The following RNF6 variants were observed in gnomAD, a reference collection of about 807,000 sequenced individuals.
RNF6 encodes the protein E3 ubiquitin-protein ligase RNF6.
Under a neutral mutation model 50.1 loss-of-function variants are expected in RNF6, and 21 were observed. The ratio of observed to expected loss-of-function variants is 0.42; its 90% CI spans 0.30 to 0.60. The LOEUF (loss-of-function observed/expected upper bound fraction) is 0.60. Among genes scored for constraint, RNF6 ranks in the 20% least tolerant of loss-of-function variants. RNF6 has a pLI of 0.20. For synonymous variants in RNF6, 255 were observed against 291.8 expected (o/e 0.87, Z 1.29); for missense variants, 698 against 838.2 (o/e 0.83, Z 2.07).
intron 2 of RNF6, among the ~76,000 whole-genome samples, chr13:26,220,915 CA>C (rs1448317428): frequency 6.6e-6 from 1 of 152,178 alleles, no homozygotes; most frequent in Admixed American, 6.5e-5. Flanking sequence ...AGCAACTATT[CA>C]ATTTCACCTG....
intron 5 of RNF6, among the ~76,000 whole-genome samples, chr13:26,157,598 C>T (rs960650449): frequency 6.6e-6 from 1 of 151,588 alleles, no homozygotes; most frequent in East Asian, 1.9e-4. Flanking sequence ...TTAAAAGGGG[C>T]AAAAAAAGCC....
At chr13:26,175,931 G>T (rs981049164) in intron 5 of RNF6, among the ~76,000 whole-genome samples, 1 of 152,026 alleles carries the variant, frequency 6.6e-6, no homozygotes, top group Non-Finnish European at 1.5e-5. Context: ...ACAAGCAGGG[G>T]GTGGAGGAGA....
upstream of RNF6, among the ~76,000 whole-genome samples, chr13:26,222,899 C>T (rs1016693933): frequency 1.2e-4 from 18 of 152,200 alleles, no homozygotes; most frequent in African/African-American, 3.6e-4. Flanking sequence ...AGGCATGAGG[C>T]ACCGCACCCC....
chr13:26,211,727 A>C (rs970623220), downstream of RNF6, among the ~76,000 whole-genome samples: 2 of 151,616 alleles, frequency 1.3e-5, no homozygotes, highest in South Asian at 2.1e-4. Flanking sequence ...CACTGCACTC[A>C]AGCCTGGGCA....
intron 5 of RNF6, among the ~76,000 whole-genome samples, chr13:26,142,102 G>C (rs1870986870): frequency 6.6e-6 from 1 of 151,996 alleles, no homozygotes; most frequent in South Asian, 2.1e-4. Context: ...AGAAGACAAA[G>C]AAGCAGTCAC....
intron 5 of RNF6, among the ~76,000 whole-genome samples, chr13:26,132,925 G>A (rs1039063081): frequency 1.4e-5 from 2 of 146,032 alleles, no homozygotes; most frequent in African/African-American, 4.9e-5. Flanking sequence ...GTTCTGCGGT[G>A]GGGGGTGCCA....
chr13:26,176,928 G>A (rs551067222), intron 5 of RNF6, among the ~76,000 whole-genome samples: 1 of 152,048 alleles, frequency 6.6e-6, no homozygotes, highest in African/African-American at 2.4e-5. Context: ...AGTGAGACTC[G>A]GTCTCAAAAA....
intron 5 of RNF6, among the ~76,000 whole-genome samples, chr13:26,164,759 C>T (rs1365384435): frequency 6.6e-6 from 1 of 151,958 alleles, no homozygotes; most frequent in East Asian, 1.9e-4. Flanking sequence ...TCTTGCTTTC[C>T]CACGTATTAC....
At chr13:26,183,535 C>A (rs1174941323) in intron 5 of RNF6, among the ~76,000 whole-genome samples, 2 of 152,144 alleles carry the variant, frequency 1.3e-5, no homozygotes, top group East Asian at 3.9e-4. Context: ...CACTTATGAT[C>A]ATTTGCCTCC....
At chr13:26,208,564 A>C (rs1057219425), downstream of RNF6, among the ~76,000 whole-genome samples, 1 of 152,238 alleles carries the variant, frequency 6.6e-6, no homozygotes, top group Non-Finnish European at 1.5e-5. Flanking sequence ...TTAGCTGTGA[A>C]CATAACTCTA....
Position 26,213,828 on chromosome 13 carries a change from C to T in RNF6, c.2054G>A (p.Gly685Glu). The T allele has an allele frequency of 6.2e-7, 1 of 1,601,216 alleles. No homozygotes were observed. The highest frequency in any genetic ancestry group is 1.7e-5 in the Admixed American group (1 of 59,184). Residue 685 changes from glycine to glutamate, a missense_variant, in exon 5 of 5, where the codon GGG (glycine) becomes GAG (glutamate). Gly to Glu is a moderately conservative substitution (Grantham distance 98, BLOSUM62 -2). Transcript: ENST00000381588. The stretch of plus-strand genomic sequence containing the variant: ...ATTTGAGTAGATCCCATCACCTTAC[C>T]CATTGTTTGCTATGTTAGACCCTAA... ...PVLGSNIANN[G>E]
intron 5 of RNF6, among the ~76,000 whole-genome samples, chr13:26,158,718 T>TGTGTGG (rs1872063018): frequency 6.6e-6 from 1 of 152,124 alleles, no homozygotes; most frequent in African/African-American, 2.4e-5. Flanking sequence ...TGAATGTCTG[T>TGTGTGG]GTGTGGGTGT....
At chr13:26,158,408 C>T (rs1353969851) in intron 5 of RNF6, among the ~76,000 whole-genome samples, 1 of 152,106 alleles carries the variant, frequency 6.6e-6, no homozygotes, top group East Asian at 1.9e-4. Flanking sequence ...AGCATTCACA[C>T]TTCCAGGAAT....
At chr13:26,184,018 ATTTTTTTTTT>A (rs1169961717) in intron 5 of RNF6, among the ~76,000 whole-genome samples, 1,325 of 33,598 alleles carry the variant, frequency 0.039, 13 homozygotes, top group Admixed American at 0.12. Flanking sequence ...ATATATATAT[ATTTTTTTTTT>A]TTTTTTTTTT....
intron 5 of RNF6, among the ~76,000 whole-genome samples, chr13:26,157,023 A>G (rs1871962502): frequency 6.6e-6 from 1 of 152,188 alleles, no homozygotes; most frequent in Non-Finnish European, 1.5e-5. Context: ...AGTTAAAACA[A>G]AAAAGAATGC....
intron 5 of RNF6, among the ~76,000 whole-genome samples, chr13:26,181,941 T>C (rs1309152405): frequency 6.6e-6 from 1 of 152,234 alleles, no homozygotes; most frequent in Non-Finnish European, 1.5e-5. Context: ...GAGTTGTTTT[T>C]ATTTCTTGAC....
chr13:26,198,233 G>A (rs938155704), intron 5 of RNF6, among the ~76,000 whole-genome samples: 1 of 151,672 alleles, frequency 6.6e-6, no homozygotes, highest in Admixed American at 6.6e-5. Context: ...AATTTGCAGT[G>A]TAGGCCAGCA....
chr13:26,168,947 G>A (rs1872566034), intron 5 of RNF6, among the ~76,000 whole-genome samples: 1 of 152,224 alleles, frequency 6.6e-6, no homozygotes, highest in Admixed American at 6.5e-5. Flanking sequence ...AGGCTGCAAT[G>A]AGCCATGATC....
intron 5 of RNF6, among the ~76,000 whole-genome samples, chr13:26,140,297 T>C (rs1186310894): frequency 6.6e-6 from 1 of 152,220 alleles, no homozygotes; most frequent in Non-Finnish European, 1.5e-5. Context: ...GTGAATTGGA[T>C]GGCCTCCAGA....
Sources: gnomAD v4.1 joint callset for allele counts (sites outside exome capture counted in the v4.1 genomes callset) on GRCh38, gnomAD v4.1.1 for gene constraint, MANE v1.5 for transcripts, NCBI Gene and HGNC (gene_info 2026-07-23, HGNC 2026-07-21) for gene names.